The following HMGCS1 variants were observed in gnomAD, a reference collection of about 807,000 sequenced individuals.
The protein encoded by HMGCS1 is 3-hydroxy-3-methylglutaryl-CoA synthase 1, also known as hydroxymethylglutaryl-CoA synthase, cytoplasmic.
Under a neutral mutation model 52.3 loss-of-function variants are expected in HMGCS1, and 9 were observed. The observed-to-expected ratio is 0.17, with a 90% confidence interval of 0.10 to 0.30. The LOEUF (loss-of-function observed/expected upper bound fraction) is 0.30. Among genes scored for constraint, HMGCS1 ranks in the 10% least tolerant of loss-of-function variants. HMGCS1 has a pLI of 1.00. For missense variants in HMGCS1, 320 were observed against 620.9 expected (o/e 0.52, Z 5.15); for synonymous variants, 176 against 214.4 (o/e 0.82, Z 1.57).
chr5:43,309,495 C>T (rs1561127565), intron 1 of HMGCS1, among the ~76,000 whole-genome samples: 1 of 152,184 alleles, frequency 6.6e-6, no homozygotes, highest in South Asian at 2.1e-4. Context: ...CCACTTTGGC[C>T]TCCCAAAGTG....
chr5:43,302,498 C>T (rs949445082), intron 2 of HMGCS1, among the ~76,000 whole-genome samples: 7 of 152,172 alleles, frequency 4.6e-5, no homozygotes, highest in Non-Finnish European at 7.3e-5. Flanking sequence ...CATCATACTT[C>T]GTCAATTAAA....
intron 1 of HMGCS1, among the ~76,000 whole-genome samples, chr5:43,310,466 A>G (rs997282932): frequency 3.3e-5 from 5 of 152,176 alleles, no homozygotes; most frequent in African/African-American, 1.2e-4. Context: ...GAGAGGGGCT[A>G]TATATTTTGA....
chr5:43,306,470 G>A (rs1754581819), intron 2 of HMGCS1, among the ~76,000 whole-genome samples: 1 of 152,152 alleles, frequency 6.6e-6, no homozygotes, highest in South Asian at 2.1e-4. Flanking sequence ...CAAACTGCAT[G>A]TCTAACCATT....
chr5:43,305,804 A>T (rs1251222108), intron 2 of HMGCS1, among the ~76,000 whole-genome samples: 7 of 151,716 alleles, frequency 4.6e-5, no homozygotes, highest in South Asian at 4.2e-4. Flanking sequence ...AAAAAAATTT[A>T]AAAAATTTAA....
At position 43,289,470 on chromosome 5, in the gene HMGCS1, C is replaced by A. The variant is rs1329397032; in HGVS notation, c.*1661G>T. 6.6e-6 allele frequency: 1 copy of A among 152,544 alleles called. No homozygotes were observed. Among genetic ancestry groups the A allele is most frequent in the African/African-American group, 2.4e-5 (1 of 41,416 alleles). 9.4% of individuals were successfully genotyped at this position (152,544 alleles called of 1,614,324 possible). On this transcript the variant is annotated 3_prime_UTR_variant, in exon 11 of 11. Transcript: ENST00000325110. ...TAAGGTGTATGATTAATGCTCTGTG[C>A]CAGTATTTGCAGGCCTGCCCATTGC...
At chr5:43,312,805 T>C (rs964761665) in intron 1 of HMGCS1, among the ~76,000 whole-genome samples, 42 of 152,300 alleles carry the variant, frequency 2.8e-4, no homozygotes, top group African/African-American at 9.9e-4. Context: ...TTGTGAACGC[T>C]TTCTTGCACC....
At chr5:43,301,552 T>A (rs948719964) in intron 2 of HMGCS1, among the ~76,000 whole-genome samples, 6 of 152,224 alleles carry the variant, frequency 3.9e-5, no homozygotes, top group African/African-American at 1.4e-4. Context: ...AATCAACCTT[T>A]TGTTTTAATT....
Position 43,289,114 on chromosome 5 carries a change from ATTTC to A in HMGCS1, c.*2013_*2016del, listed in dbSNP as rs1753621277. On this transcript the variant is annotated 3_prime_UTR_variant, in exon 11 of 11. Coordinates refer to ENST00000325110, the MANE Select transcript of HMGCS1 (RefSeq NM_001098272.3). The stretch of plus-strand genomic sequence containing the variant: ...TGCTTGCCACGCAATTTGAGAGTTA[ATTTC>A]TTTGTTTCAAGTGTAGGAATAATTA... 1 of 152,198 alleles carries A rather than the reference ATTTC, an allele frequency of 6.6e-6. No individual in the cohort carries two copies. Among genetic ancestry groups the A allele is most frequent in the South Asian group, 2.1e-4 (1 of 4,826 alleles). 9.4% of individuals were successfully genotyped at this position (152,198 alleles called of 1,614,324 possible).
chr5:43,310,146 TAAGAA>T (rs1579673105), intron 1 of HMGCS1, among the ~76,000 whole-genome samples: 2 of 152,214 alleles, frequency 1.3e-5, no homozygotes, highest in East Asian at 1.9e-4. Context: ...AAACTAATGT[TAAGAA>T]AGACTTGCTC....
At chr5:43,310,143 T>A (rs1754788674) in intron 1 of HMGCS1, among the ~76,000 whole-genome samples, 1 of 152,214 alleles carries the variant, frequency 6.6e-6, no homozygotes, top group South Asian at 2.1e-4. Flanking sequence ...TAAAAACTAA[T>A]GTTAAGAAAG....
At chr5:43,300,041 G>C (rs973265970) in intron 2 of HMGCS1, among the ~76,000 whole-genome samples, 1 of 152,216 alleles carries the variant, frequency 6.6e-6, no homozygotes, top group East Asian at 1.9e-4. Flanking sequence ...CTGCTGCTGA[G>C]CTGGAACCCA....
At position 43,297,049 on chromosome 5, in the gene HMGCS1, C is replaced by T. The variant is rs777747958; in HGVS notation, c.692G>A (p.Arg231His). ...CTTTTTGCAGTAGACAGAATAGCAGCGGTCTAATGCACTGAGGTAGCACTG... is the reference window on the plus strand; with the variant it reads ...CTTTTTGCAGTAGACAGAATAGCAGTGGTCTAATGCACTGAGGTAGCACTG... The part of the protein sequence containing the change: ...SIQCYLSALD[R>H]CYSVYCKKIH... Residue 231 changes from arginine to histidine, a missense_variant, in exon 5 of 11, where the codon CGC (arginine) becomes CAC (histidine). Coordinates refer to ENST00000325110, the MANE Select transcript of HMGCS1 (RefSeq NM_001098272.3). 7 of 1,613,726 alleles carry T rather than the reference C, an allele frequency of 4.3e-6. No individual in the cohort carries two copies. Among genetic ancestry groups the T allele is most frequent in the East Asian group, 2.2e-5 (1 of 44,860 alleles).
intron 1 of HMGCS1, among the ~76,000 whole-genome samples, chr5:43,309,746 A>T (rs745525409): frequency 6.6e-6 from 1 of 152,222 alleles, no homozygotes; most frequent in Non-Finnish European, 1.5e-5. Flanking sequence ...TGACAGAGGG[A>T]ATCAACATGG....
chr5:43,305,140 C>T (rs1754503919), intron 2 of HMGCS1, among the ~76,000 whole-genome samples: 1 of 152,032 alleles, frequency 6.6e-6, no homozygotes, highest in Non-Finnish European at 1.5e-5. Context: ...GCGGGTGCCA[C>T]CACACCCAGC....
At position 43,290,427 on chromosome 5, in the gene HMGCS1, T is replaced by C. The variant is rs1753691272; in HGVS notation, c.*704A>G. ...GCTCCTGAATGTACCATGTTTTCTATACCAGAAGCCTCTTCAATGGCAGTG... is the reference window on the plus strand; with the variant it reads ...GCTCCTGAATGTACCATGTTTTCTACACCAGAAGCCTCTTCAATGGCAGTG... On this transcript the variant is annotated 3_prime_UTR_variant, in exon 11 of 11. Coordinates refer to ENST00000325110, the MANE Select transcript of HMGCS1 (RefSeq NM_001098272.3). 6.6e-6 allele frequency: 1 copy of C among 152,346 alleles called. No individual in the cohort carries two copies. The highest frequency in any genetic ancestry group is 2.1e-4 in the South Asian group (1 of 4,828). The allele number at this position is 152,346 out of a possible 1,614,324, so 9.4% of individuals were successfully genotyped here.
At chr5:43,297,946 C>G in intron 4 of HMGCS1, 63 bp downstream of exon 4, 1 of 1,517,230 alleles carries the variant, frequency 6.6e-7, no homozygotes, top group African/African-American at 1.4e-5. Context: ...GCTCCTACTT[C>G]TATTTTCAAA....
chr5:43,292,772 C>T, intron 9 of HMGCS1, 76 bp downstream of exon 9: 1 of 1,533,438 alleles, frequency 6.5e-7, no homozygotes, highest in Non-Finnish European at 9.0e-7. Context: ...TCTTGATATC[C>T]TTATCGTATA....
At position 43,298,309 on chromosome 5, in the gene HMGCS1, TA is replaced by T. The variant is rs1292389155; in HGVS notation, c.449-176del. On this transcript the variant is annotated intron_variant, in intron 3 of 10. Transcript: ENST00000325110. This position sits in a 1 kb window ranked among gnomAD's most constrained non-coding sequence, Gnocchi z 5.6. ...GCCAAGGCTCTGTCATCCATCTGAC[TA>T]AATTTTGAATAGACCATTTGTCCTA... is the stretch of plus-strand genomic sequence containing the variant. The T allele has an allele frequency of 9.2e-6, 6 of 650,792 alleles. No homozygotes were observed. The African/African-American group carries it at 1.0e-4, about 11-fold the overall frequency. 40.3% of individuals were successfully genotyped at this position (650,792 alleles called of 1,614,324 possible). A position where few individuals can be genotyped will look rare whatever the true frequency, so the allele number is the denominator to read the frequency against.
intron 2 of HMGCS1, among the ~76,000 whole-genome samples, chr5:43,304,907 T>C (rs962018098): frequency 6.6e-6 from 1 of 152,220 alleles, no homozygotes; most frequent in African/African-American, 2.4e-5. Flanking sequence ...AGTGATTAAG[T>C]TGACAGGAAA....
Sources: gnomAD v4.1 joint callset for allele counts (sites outside exome capture counted in the v4.1 genomes callset) on GRCh38, gnomAD v4.1.1 for gene constraint, Gnocchi (gnomAD v3.1) non-coding constraint, MANE v1.5 for transcripts, NCBI Gene and HGNC (gene_info 2026-07-23, HGNC 2026-07-21) for gene names.